Variants in RANBP2 observed in about 807,000 individuals in gnomAD.
RANBP2 encodes the protein RAN binding protein 2.
Under a neutral mutation model 303.6 loss-of-function variants are expected in RANBP2, and 57 were observed. The ratio of observed to expected loss-of-function variants is 0.19; its 90% CI spans 0.15 to 0.23. The LOEUF is 0.23. Ranked by LOEUF, RANBP2 falls within the 10% of genes least tolerant of loss-of-function variation. The pLI is 1.00. For missense variants in RANBP2, 3,138 were observed against 3,780.8 expected (o/e 0.83, Z 4.46); for synonymous variants, 1,167 against 1,301.5 (o/e 0.90, Z 2.23).
chr2:109,385,817 A>C, the RANBP2 span, among the ~76,000 whole-genome samples: 4 of 152,256 alleles, frequency 2.6e-5, no homozygotes, highest in Non-Finnish European at 4.4e-5. Context: ...CAGAAACAAA[A>C]AAAATAAACC....
At chr2:109,027,513 C>G in the RANBP2 span, among the ~76,000 whole-genome samples, 1 of 152,192 alleles carries the variant, frequency 6.6e-6, no homozygotes, top group Non-Finnish European at 1.5e-5. Flanking sequence ...GGCACAGGCT[C>G]TGAGCCTGGC....
chr2:108,820,381 GAA>G, the RANBP2 span, among the ~76,000 whole-genome samples: 2 of 152,206 alleles, frequency 1.3e-5, no homozygotes, highest in African/African-American at 2.4e-5. Flanking sequence ...CTTGGAATGA[GAA>G]GAGAGAAGGA....
chr2:109,381,179 G>A, the RANBP2 span, among the ~76,000 whole-genome samples: 1 of 152,360 alleles, frequency 6.6e-6, no homozygotes, highest in South Asian at 2.1e-4. Flanking sequence ...AGGACTGGAA[G>A]TGTGTCAGCC....
At chr2:108,742,256 C>T (rs1394798891) in intron 7 of RANBP2, among the ~76,000 whole-genome samples, 1 of 151,798 alleles carries the variant, frequency 6.6e-6, no homozygotes, top group Non-Finnish European at 1.5e-5. Context: ...TCAGCCTCTC[C>T]AAGTGCTGGG....
the RANBP2 span, among the ~76,000 whole-genome samples, chr2:108,956,314 G>C: frequency 6.6e-6 from 1 of 152,216 alleles, no homozygotes; most frequent in East Asian, 1.9e-4. Flanking sequence ...AGAAGTTAAA[G>C]GGCATGAGAG....
the RANBP2 span, among the ~76,000 whole-genome samples, chr2:108,811,468 A>G: frequency 1.3e-5 from 2 of 151,402 alleles, no homozygotes; most frequent in African/African-American, 4.9e-5. Context: ...CTGGTCTTGA[A>G]CTGGGCTCAA....
At chr2:109,041,671 G>A in the RANBP2 span, among the ~76,000 whole-genome samples, 6 of 141,168 alleles carry the variant, frequency 4.3e-5, no homozygotes, top group African/African-American at 1.3e-4. Context: ...ACAGGTGCCC[G>A]CCACCATGCC....
chr2:109,567,633 TC>T, the RANBP2 span, among the ~76,000 whole-genome samples: 1 of 152,226 alleles, frequency 6.6e-6, no homozygotes, highest in South Asian at 2.1e-4. Context: ...AAATAAATTC[TC>T]CTTACACCTT....
At chr2:109,560,210 G>C in the RANBP2 span, among the ~76,000 whole-genome samples, 9,460 of 152,190 alleles carry the variant, frequency 0.062, 376 homozygotes, top group Non-Finnish European at 0.091. Context: ...GTGAGCCACC[G>C]GGCCTGGCCC....
At chr2:108,917,015 G>T in the RANBP2 span, among the ~76,000 whole-genome samples, 375 of 152,302 alleles carry the variant, frequency 2.5e-3, 4 homozygotes, top group African/African-American at 8.6e-3. Flanking sequence ...CCTCTTCCCT[G>T]CGCTCGGAGC....
At chr2:108,887,120 C>T in the RANBP2 span, among the ~76,000 whole-genome samples, 6 of 152,132 alleles carry the variant, frequency 3.9e-5, no homozygotes, top group African/African-American at 9.7e-5. Context: ...TTTCTCAGTA[C>T]CATTTATTGA....
the RANBP2 span, among the ~76,000 whole-genome samples, chr2:109,633,693 G>C: frequency 1.3e-5 from 2 of 152,110 alleles, no homozygotes; most frequent in South Asian, 4.1e-4. Context: ...ATAAAGCCAA[G>C]ATAAAACGGA....
chr2:109,644,706 G>C, the RANBP2 span, among the ~76,000 whole-genome samples: 2 of 152,276 alleles, frequency 1.3e-5, no homozygotes, highest in East Asian at 3.9e-4. Context: ...TCACAGCAAG[G>C]CTGCCTGGAT....
the RANBP2 span, among the ~76,000 whole-genome samples, chr2:109,249,505 C>CTT: frequency 1.3e-3 from 58 of 43,260 alleles, no homozygotes; most frequent in African/African-American, 6.1e-3. Flanking sequence ...TTCTTTCTTT[C>CTT]TTTCATTCTT....
chr2:109,392,586 G>T, the RANBP2 span, among the ~76,000 whole-genome samples: 1 of 152,114 alleles, frequency 6.6e-6, no homozygotes, highest in Admixed American at 6.5e-5. Context: ...TTGGCTCACT[G>T]CAAGCTCAAG....
chr2:109,368,915 C>CCT, the RANBP2 span, among the ~76,000 whole-genome samples: 4 of 151,046 alleles, frequency 2.6e-5, no homozygotes, highest in African/African-American at 9.8e-5. Context: ...CTGATCTGAG[C>CCT]TGGGCCAATC....
At chr2:109,413,534 C>CTG in the RANBP2 span, among the ~76,000 whole-genome samples, 1 of 152,208 alleles carries the variant, frequency 6.6e-6, no homozygotes, top group African/African-American at 2.4e-5. Flanking sequence ...CTGTCTCTCT[C>CTG]TGTGTCTCTG....
the RANBP2 span, among the ~76,000 whole-genome samples, chr2:109,761,974 G>T: frequency 6.7e-6 from 1 of 149,226 alleles, no homozygotes. Context: ...GATGATATGT[G>T]GATCTGTGTG....
At chr2:109,719,968 A>G in the RANBP2 span, among the ~76,000 whole-genome samples, 1 of 152,116 alleles carries the variant, frequency 6.6e-6, no homozygotes, top group Non-Finnish European at 1.5e-5. Flanking sequence ...TAACAGGAGG[A>G]AGTGAGCCTC....
Sources: gnomAD v4.1 joint callset for allele counts (sites outside exome capture counted in the v4.1 genomes callset) on GRCh38, gnomAD v4.1.1 for gene constraint, MANE v1.5 for transcripts, NCBI Gene and HGNC (gene_info 2026-07-23, HGNC 2026-07-21) for gene names.